The following USP33 variants were observed in gnomAD, a reference collection of about 807,000 sequenced individuals.
USP33 encodes ubiquitin carboxyl-terminal hydrolase 33.
Under a neutral mutation model 124.2 loss-of-function variants are expected in USP33, and 46 were observed. The ratio of observed to expected loss-of-function variants is 0.37; its 90% CI spans 0.29 to 0.47. The LOEUF is 0.47. Among genes scored for constraint, USP33 ranks in the 20% least tolerant of loss-of-function variants. The pLI is 0.99. For synonymous variants in USP33, 350 were observed against 352.3 expected, an observed-to-expected ratio of 0.99 and a Z score of 0.07; for missense variants, 851 against 1,070.6, an observed-to-expected ratio of 0.79 and a Z score of 2.86.
At chr1:77,736,775 A>C (rs1197575911) in intron 5 of USP33, among the ~76,000 whole-genome samples, 1 of 152,030 alleles carries the variant, frequency 6.6e-6, no homozygotes, top group Non-Finnish European at 1.5e-5. Context: ...ACGCCCAGCT[A>C]ATTTTTGTAT....
intron 5 of USP33, among the ~76,000 whole-genome samples, chr1:77,737,093 G>A (rs1166564491): frequency 1.3e-5 from 2 of 150,094 alleles, no homozygotes; most frequent in Non-Finnish European, 3.0e-5. Flanking sequence ...ATTCGGAGAC[G>A]ACAAATAAAA....
intron 1 of USP33, among the ~76,000 whole-genome samples, chr1:77,750,503 T>TACTACA (rs2101600938): frequency 6.6e-6 from 1 of 151,776 alleles, no homozygotes; most frequent in South Asian, 2.1e-4. Flanking sequence ...AGCGTGGTGG[T>TACTACA]GCACACCTGT....
intron 21 of USP33, among the ~76,000 whole-genome samples, chr1:77,705,775 T>C (rs987464317): frequency 6.6e-6 from 1 of 152,206 alleles, no homozygotes; most frequent in Non-Finnish European, 1.5e-5. Context: ...CAATCCAGCT[T>C]AGAGCCCTCC....
In USP33 at chr1:77,748,784, C is replaced by CG. The variant is rs1396024188; in HGVS notation, c.-51-7037_-51-7036insC. ...TTTTGGCAGCATTCCTTCCCTCCCC[C>CG]CCCCCCCCGTGCTTGAATCAGGATT... On this transcript the variant is annotated intron_variant, in intron 1 of 23. Coordinates refer to ENST00000370794, the MANE Select transcript of USP33 (RefSeq NM_201624.3). Among the ~76,000 whole-genome samples the CG allele has an allele frequency of 7.0e-4, 62 of 88,000 alleles. 4 individuals are homozygous for CG. Among genetic ancestry groups the CG allele is most frequent in the African/African-American group, 3.2e-3 (60 of 18,844 alleles). The allele number at this position is 88,000 out of a possible 152,430, so 57.7% of individuals were successfully genotyped here.
At chr1:77,729,652 T>C (rs754146681) in intron 9 of USP33, among the ~76,000 whole-genome samples, 32 of 151,782 alleles carry the variant, frequency 2.1e-4, no homozygotes, top group Admixed American at 3.9e-4. Flanking sequence ...GCCTGGGCGA[T>C]AGAGCAAGAC....
chr1:77,732,639 C>A (rs1426093736), intron 7 of USP33, among the ~76,000 whole-genome samples: 1 of 152,094 alleles, frequency 6.6e-6, no homozygotes, highest in African/African-American at 2.4e-5. Context: ...TGTACCCCGT[C>A]ACACAGATTT....
intron 1 of USP33, among the ~76,000 whole-genome samples, chr1:77,743,303 ATACATTTTTT>A (rs1679340916): frequency 6.6e-6 from 1 of 151,916 alleles, no homozygotes; most frequent in Non-Finnish European, 1.5e-5. Context: ...ACATTAGTAA[ATACATTTTTT>A]TTATTATACT....
intron 6 of USP33, 127 bp from the exon 7 acceptor site, chr1:77,734,543 T>C: frequency 1.7e-6 from 1 of 592,230 alleles, no homozygotes; most frequent in Non-Finnish European, 2.9e-6. Context: ...ACTTGAACAA[T>C]TCAGAGAGGT....
chr1:77,737,071 A>T (rs553376931), intron 5 of USP33, among the ~76,000 whole-genome samples: 1 of 152,268 alleles, frequency 6.6e-6, no homozygotes, highest in African/African-American at 2.4e-5. Flanking sequence ...ACTTTGAGCT[A>T]AAGTTTAAAA....
chr1:77,697,254 G>C lies in USP33; in HGVS notation c.*63C>G. ...TAAACACGCTTTTAGGAATGTTTTCGCATGTGTACATGTCAGGGCACATGA... is the reference window on the plus strand; with the variant it reads ...TAAACACGCTTTTAGGAATGTTTTCCCATGTGTACATGTCAGGGCACATGA... On this transcript the variant is annotated 3_prime_UTR_variant, in exon 24 of 24. Transcript: ENST00000370794. 8 of 1,349,624 alleles carry C rather than the reference G, an allele frequency of 5.9e-6. No individual in the cohort carries two copies. In the South Asian group the frequency reaches 1.5e-4, roughly 25 times the overall value. 83.6% of individuals were successfully genotyped at this position (1,349,624 alleles called of 1,614,324 possible). A position where few individuals can be genotyped will look rare whatever the true frequency, so the allele number is the denominator to read the frequency against.
At chr1:77,709,369 G>A (rs1055810362) in intron 21 of USP33, among the ~76,000 whole-genome samples, 2 of 151,960 alleles carry the variant, frequency 1.3e-5, no homozygotes, top group Non-Finnish European at 2.9e-5. Flanking sequence ...TTTTAAATTA[G>A]CTACACATGG....
intron 21 of USP33, among the ~76,000 whole-genome samples, chr1:77,706,742 C>G (rs1003299050): frequency 6.6e-6 from 1 of 152,128 alleles, no homozygotes; most frequent in African/African-American, 2.4e-5. Context: ...CTATCTTACA[C>G]GATGTAGTAT....
intron 12 of USP33, 97 bp from the exon 13 acceptor site, chr1:77,722,293 A>G (rs536111845): frequency 1.6e-6 from 2 of 1,256,770 alleles, no homozygotes; most frequent in African/African-American, 3.0e-5. Context: ...GCATGTTTAA[A>G]TAAGCAAAAA....
intron 1 of USP33, among the ~76,000 whole-genome samples, chr1:77,749,866 A>G (rs1179473069): frequency 6.6e-6 from 1 of 152,220 alleles, no homozygotes; most frequent in Non-Finnish European, 1.5e-5. Context: ...CAGAGGATTG[A>G]AAAGAAACTT....
In USP33 at chr1:77,717,863, T is replaced by C; in HGVS notation, c.1918+4A>G. The C allele has an allele frequency of 6.2e-7, 1 of 1,606,680 alleles. No individual in the cohort carries two copies. Among genetic ancestry groups the C allele is most frequent in the Non-Finnish European group, 8.5e-7 (1 of 1,177,280 alleles). On this transcript the variant is annotated splice_donor_region_variant and intron_variant, in intron 17 of 23. Coordinates refer to ENST00000370794, the MANE Select transcript of USP33 (RefSeq NM_201624.3). ...AGGAACAACTGTTAAACCTATATAC[T>C]TACTACTTGCAGTTCCATGATGGCA...
intron 18 of USP33, among the ~76,000 whole-genome samples, chr1:77,715,413 G>C (rs909742119): frequency 3.9e-5 from 6 of 152,094 alleles, no homozygotes; most frequent in African/African-American, 1.4e-4. Context: ...CACCATCTTG[G>C]CCAGGCTGGT....
chr1:77,753,776 G>A (rs1260152707), intron 1 of USP33, among the ~76,000 whole-genome samples: 1 of 150,232 alleles, frequency 6.7e-6, no homozygotes, highest in Non-Finnish European at 1.5e-5. Flanking sequence ...CTAGAGTTTT[G>A]GAGAAGATTA....
intron 21 of USP33, among the ~76,000 whole-genome samples, chr1:77,702,512 A>C (rs1368099177): frequency 6.6e-6 from 1 of 152,206 alleles, no homozygotes; most frequent in African/African-American, 2.4e-5. Flanking sequence ...ACATAAATGT[A>C]TAAGTAAATT....
At chr1:77,700,345 T>C (rs902506817) in intron 22 of USP33, among the ~76,000 whole-genome samples, 2 of 152,154 alleles carry the variant, frequency 1.3e-5, no homozygotes, top group African/African-American at 4.8e-5. Flanking sequence ...CAGAGAGAAC[T>C]CAGTAATTCA....
Sources: gnomAD v4.1 joint callset for allele counts (sites outside exome capture counted in the v4.1 genomes callset) on GRCh38, gnomAD v4.1.1 for gene constraint, MANE v1.5 for transcripts, NCBI Gene and HGNC (gene_info 2026-07-23, HGNC 2026-07-21) for gene names.